Variants in SEC31A observed in about 807,000 individuals in gnomAD.
SEC31A encodes SEC31 homolog A, COPII component, also known as protein transport protein Sec31A.
A neutral mutation model predicts 151.0 loss-of-function variants in SEC31A; 70 were observed. The ratio of observed to expected loss-of-function variants is 0.46; its 90% CI spans 0.38 to 0.57. The LOEUF is 0.57. Ranked by LOEUF, SEC31A falls within the 20% of genes least tolerant of loss-of-function variation. The pLI is 0.00. For synonymous variants in SEC31A, 475 were observed against 505.9 expected, an observed-to-expected ratio of 0.94 and a Z score of 0.82; for missense variants, 1,330 against 1,471.2, an observed-to-expected ratio of 0.90 and a Z score of 1.57.
At chr4:82,876,163 T>G (rs1021854612) in intron 4 of SEC31A, among the ~76,000 whole-genome samples, 11 of 147,916 alleles carry the variant, frequency 7.4e-5, no homozygotes, top group Admixed American at 1.4e-4. Flanking sequence ...CAGGCTGGAG[T>G]GCAATGGTGC....
At chr4:82,853,521 G>A in intron 18 of SEC31A, 49 bp downstream of exon 18, 1 of 1,457,998 alleles carries the variant, frequency 6.9e-7, no homozygotes, top group Non-Finnish European at 9.2e-7. Context: ...GATAAGTAGG[G>A]TGAAAGACAA....
intron 13 of SEC31A, among the ~76,000 whole-genome samples, chr4:82,862,204 C>T (rs1284813257): frequency 2.0e-5 from 3 of 149,184 alleles, no homozygotes; most frequent in East Asian, 2.0e-4. Flanking sequence ...TGAGCCAACA[C>T]ACCCGGCCCA....
chr4:82,899,653 A>G (rs1720223077), intron 3 of SEC31A: 1 of 152,676 alleles, frequency 6.5e-6, no homozygotes, highest in Non-Finnish European at 1.5e-5. Context: ...AAAGCTATTA[A>G]TTCCATTCAG....
At chr4:82,828,437 T>C (rs577984742) in intron 23 of SEC31A, among the ~76,000 whole-genome samples, 5 of 152,264 alleles carry the variant, frequency 3.3e-5, no homozygotes, top group East Asian at 1.9e-4. Flanking sequence ...TTTTATATTA[T>C]GGCCTCTCAT....
chr4:82,867,204 G>C lies in SEC31A; in HGVS notation c.995C>G (p.Ser332Cys). The change falls in exon 9 of 27, where the codon TCT becomes TGT. Residue 332 changes from serine (S) to cysteine (C), a missense_variant. Physicochemically the swap from Ser to Cys is moderately radical, Grantham distance 112. Coordinates refer to ENST00000395310, the MANE Select transcript of SEC31A (RefSeq NM_001077207.4). The stretch of plus-strand genomic sequence containing the variant: ...ACCATCTGTGCTACCTCCCATGATA[G>C]AATAAACACTGATACGCCCATCAAA... ...ASFDGRISVY[S>C]IMGGSTDGLR... 7 of 1,613,942 alleles carry C rather than the reference G, an allele frequency of 4.3e-6. No homozygotes were observed. The highest frequency in any genetic ancestry group is 5.9e-6 in the Non-Finnish European group (7 of 1,179,884).
chr4:82,821,291 G>A (rs1723259308), intron 25 of SEC31A, 183 bp from the exon 26 acceptor site: 2 of 544,792 alleles, frequency 3.7e-6, no homozygotes, highest in East Asian at 3.3e-5. Flanking sequence ...GCTCACGCCT[G>A]TAATCCCAGC....
intron 6 of SEC31A, 103 bp from the exon 7 acceptor site, chr4:82,872,189 C>A: frequency 2.4e-6 from 2 of 849,978 alleles, no homozygotes; most frequent in Non-Finnish European, 1.8e-6. Flanking sequence ...TGAAAAACAT[C>A]AGCTGTGGCT....
In SEC31A at chr4:82,870,421, C is replaced by T; in HGVS notation, c.786G>A (p.Gly262=). The change falls in exon 8 of 27, where the codon GGG becomes GGA. Residue 262 remains glycine (G), a synonymous_variant. Transcript: ENST00000395310. Reference sequence around the variant, plus strand: ...CCATGCTCCAAGCAATTGCCAAAATCCCCCTATAAAAAACATAAAGGAACA... The same window carrying T: ...CCATGCTCCAAGCAATTGCCAAAATTCCCCTATAAAAAACATAAAGGAACA... The part of the protein sequence containing the change: ...PLRVLENHAR[G]ILAIAWSMAD... 1 of 1,610,304 alleles carries T rather than the reference C, an allele frequency of 6.2e-7. No homozygotes were observed. Among genetic ancestry groups the T allele is most frequent in the Non-Finnish European group, 8.5e-7 (1 of 1,177,750 alleles).
rs776356191 is a variant in SEC31A, at chr4:82,880,920, T to C, written c.82A>G (p.Thr28Ala). ...GTTGCATCCAATTGCTGAGCAGATG[T>C]TCCTATAGAAAATATATTTATGGTA... The part of the protein sequence containing the change: ...QNHPIYLATG[T>A]SAQQLDATFS... Residue 28 changes from threonine to alanine, a missense_variant and splice_region_variant, in exon 3 of 27, where the codon ACA becomes GCA. Physicochemically the swap from Thr to Ala is moderately conservative, Grantham distance 58. Coordinates refer to ENST00000395310, the MANE Select transcript of SEC31A (RefSeq NM_001077207.4). The C allele has an allele frequency of 1.9e-6, 3 of 1,602,382 alleles. No homozygotes were observed. Among genetic ancestry groups the C allele is most frequent in the South Asian group, 1.1e-5 (1 of 88,984 alleles).
chr4:82,865,562 AT>A (rs1735161307), intron 10 of SEC31A, among the ~76,000 whole-genome samples: 1 of 8,392 alleles, frequency 1.2e-4, no homozygotes, highest in African/African-American at 3.1e-4. Flanking sequence ...ATATATATAT[AT>A]ATATATATAT....
intron 10 of SEC31A, 150 bp from the exon 11 acceptor site, chr4:82,864,748 C>A (rs1734933749): frequency 1.7e-6 from 1 of 588,984 alleles, no homozygotes; most frequent in Non-Finnish European, 2.9e-6. Context: ...AATTTCTGTT[C>A]TAGATGAAAT....
chr4:82,836,113 G>A (rs1271775003), intron 22 of SEC31A, among the ~76,000 whole-genome samples: 3 of 152,126 alleles, frequency 2.0e-5, no homozygotes, highest in Non-Finnish European at 4.4e-5. Flanking sequence ...GGTGGCTCAT[G>A]CCTGTAATCC....
At chr4:82,872,339 G>C (rs1380577416) in intron 6 of SEC31A, among the ~76,000 whole-genome samples, 1 of 152,082 alleles carries the variant, frequency 6.6e-6, no homozygotes, top group African/African-American at 2.4e-5. Context: ...ACAGGCGCAA[G>C]CCACCATGCC....
Position 82,857,124 on chromosome 4 carries a change from T to C in SEC31A, c.1709A>G (p.Asp570Gly). ...TFNISVSGDI[D>G]GLITQALLTG... Reference sequence around the variant, plus strand: ...CAGCAAAGCCTGAGTAATTAAACCATCAATGTCTGCAACAAGAAAATAATA... The same window carrying C: ...CAGCAAAGCCTGAGTAATTAAACCACCAATGTCTGCAACAAGAAAATAATA... The change falls in exon 16 of 27, where the codon GAT (aspartate) becomes GGT (glycine). Residue 570 changes from aspartate (D) to glycine (G), a missense_variant. Coordinates refer to ENST00000395310, the MANE Select transcript of SEC31A (RefSeq NM_001077207.4). The C allele has an allele frequency of 3.1e-6, 5 of 1,609,266 alleles. No individual in the cohort carries two copies. The highest frequency in any genetic ancestry group is 4.2e-6 in the Non-Finnish European group (5 of 1,178,994).
intron 4 of SEC31A, among the ~76,000 whole-genome samples, chr4:82,876,312 GT>G (rs2125759839): frequency 6.6e-6 from 1 of 152,132 alleles, no homozygotes; most frequent in African/African-American, 2.4e-5. Flanking sequence ...GTTTCTCCAT[GT>G]TGGTCAGGCT....
chr4:82,866,866 A>C lies in SEC31A; in HGVS notation c.1139T>G (p.Val380Gly). 6.2e-7 allele frequency: 1 copy of C among 1,614,098 alleles called. No homozygotes were observed. Among genetic ancestry groups the C allele is most frequent in the Non-Finnish European group, 8.5e-7 (1 of 1,179,968 alleles). The change falls in exon 10 of 27, where the codon GTG becomes GGG. Residue 380 changes from valine to glycine, a missense_variant. Physicochemically the swap from Val to Gly is moderately radical, Grantham distance 109. Transcript: ENST00000395310. ...CTTGGGCGGCTTCTTCAGAGGCAGC[A>C]CTATACTATGCTGAGCAGTCTGCTG... ...IPQQTAQHSI[V>G]LPLKKPPKWI...
chr4:82,869,264 C>A (rs1390113085), intron 8 of SEC31A, among the ~76,000 whole-genome samples: 1 of 151,538 alleles, frequency 6.6e-6, no homozygotes. Context: ...GGACTACAGG[C>A]GCCCGCCACC....
At chr4:82,887,993 C>T (rs1741143939) in intron 1 of SEC31A, among the ~76,000 whole-genome samples, 1 of 151,240 alleles carries the variant, frequency 6.6e-6, no homozygotes, top group Non-Finnish European at 1.5e-5. Flanking sequence ...TTGCAGTAAG[C>T]TGAGATCATG....
intron 20 of SEC31A, among the ~76,000 whole-genome samples, chr4:82,847,117 C>T (rs1449584039): frequency 8.5e-5 from 13 of 152,196 alleles, no homozygotes; most frequent in Admixed American, 7.2e-4. Flanking sequence ...GTCAACAGCA[C>T]GCTAATTTTA....
Sources: allele counts gnomAD v4.1 joint callset (sites outside exome capture counted in the v4.1 genomes callset), GRCh38; gene constraint gnomAD v4.1.1; transcripts MANE v1.5; gene names NCBI Gene and HGNC (gene_info 2026-07-23, HGNC 2026-07-21).